LHX3: variants seen among roughly 807,000 people sequenced by gnomAD.
LHX3 encodes LIM/homeobox protein Lhx3.
LHX3 carries 21 observed loss-of-function variants against 32.4 expected under a neutral mutation model. The observed-to-expected ratio is 0.65, with a 90% confidence interval of 0.46 to 0.93. The LOEUF (loss-of-function observed/expected upper bound fraction) is 0.93. LHX3 is among the 40% of genes least tolerant of loss of function. The probability of loss-of-function intolerance (pLI) is 0.00; values close to 1 mark genes in which losing one functional copy is unlikely to be tolerated. For missense variants in LHX3, 626 were observed against 560.0 expected, an observed-to-expected ratio of 1.12 and a Z score of -1.19; for synonymous variants, 258 against 246.8, an observed-to-expected ratio of 1.05 and a Z score of -0.43.
intron 3 of LHX3, 59 bp downstream of exon 3, chr9:136,199,619 G>A: frequency 6.4e-6 from 10 of 1,569,526 alleles, no homozygotes; most frequent in Non-Finnish European, 8.8e-6. Flanking sequence ...CCCTGGGCGT[G>A]GCCTCAGCCC....
chr9:136,197,896 C>T (rs1250303665), intron 5 of LHX3, among the ~76,000 whole-genome samples, 153 bp from the exon 6 acceptor site: 5 of 152,138 alleles, frequency 3.3e-5, no homozygotes, highest in East Asian at 1.9e-4. Flanking sequence ...ACTGTTGGAG[C>T]ATGGCTGCCC....
chr9:136,198,831 G>T lies in LHX3; in HGVS notation c.607-11C>A. On this transcript the variant is annotated splice_polypyrimidine_tract_variant and intron_variant, in intron 4 of 5. Coordinates refer to ENST00000371748, the MANE Select transcript of LHX3 (RefSeq NM_178138.6). ...GTTCTGGAACCAAACCTGGGGGCGGGGCGGGGTGAGCGGCCGCCCGGCTCT... is the reference window on the plus strand; with the variant it reads ...GTTCTGGAACCAAACCTGGGGGCGGTGCGGGGTGAGCGGCCGCCCGGCTCT... 1 of 1,603,018 alleles carries T rather than the reference G, an allele frequency of 6.2e-7. No homozygotes were observed.
chr9:136,201,361 T>TA (rs1294411970), intron 1 of LHX3: 1 of 1,239,374 alleles, frequency 8.1e-7, no homozygotes, highest in African/African-American at 1.5e-5. Flanking sequence ...TCCACTGCCT[T>TA]TGTGTCAGGC....
chr9:136,197,548 G>A lies in LHX3; in HGVS notation c.971C>T (p.Pro324Leu), dbSNP rs1015344381. 3.1e-5 allele frequency: 48 copies of A among 1,528,744 alleles called. No individual in the cohort carries two copies. In the African/African-American group the frequency reaches 4.3e-4, roughly 14 times the overall value. 94.7% of individuals were successfully genotyped at this position (1,528,744 alleles called of 1,614,324 possible). The change falls in exon 6 of 6, where the codon CCG becomes CTG. Residue 324 changes from proline to leucine, a missense_variant. By Grantham distance (98) the Pro-to-Leu change is moderately conservative (BLOSUM62 -3). Transcript: ENST00000371748. ...GGGCTGGGGGCCAGGGAGGCTCTGC[G>A]GGGCGGCGGGGGATGGGGGGACACC... ...PYGVPPSPAA[P>L]QSLPGPQPLL...
intron 1 of LHX3, among the ~76,000 whole-genome samples, chr9:136,204,644 G>A (rs1831715201): frequency 6.6e-6 from 1 of 152,176 alleles, no homozygotes; most frequent in Non-Finnish European, 1.5e-5. Flanking sequence ...GTCACCGGGG[G>A]AACCTAGCAC....
Position 136,197,561 on chromosome 9 carries a change from A to C in LHX3, c.958T>G (p.Ser320Ala), listed in dbSNP as rs1455513426. ...RPGSPYGVPP[S>A]PAAPQSLPGP... is the part of the protein sequence containing the mutation. ...GGGAGGCTCTGCGGGGCGGCGGGGG[A>C]TGGGGGGACACCGTAGGGGCTGCCG... The change falls in exon 6 of 6, where the codon TCC (serine) becomes GCC (alanine). Residue 320 changes from serine (S) to alanine (A), a missense_variant. Ser to Ala is a moderately conservative substitution (Grantham distance 99). Coordinates refer to ENST00000371748, the MANE Select transcript of LHX3 (RefSeq NM_178138.6). 42 of 1,454,116 alleles carry C rather than the reference A, an allele frequency of 2.9e-5. No homozygotes were observed. Among genetic ancestry groups the C allele is most frequent in the Non-Finnish European group, 3.9e-5 (42 of 1,070,932 alleles). 90.1% of individuals were successfully genotyped at this position (1,454,116 alleles called of 1,614,324 possible). A position where few individuals can be genotyped will look rare whatever the true frequency, so the allele number is the denominator to read the frequency against.
chr9:136,198,534 A>G (rs1034164220), intron 5 of LHX3, 118 bp downstream of exon 5: 3 of 1,172,900 alleles, frequency 2.6e-6, no homozygotes, highest in African/African-American at 3.1e-5. Context: ...TTTTGAAAGT[A>G]GAACTTAAGG....
intron 1 of LHX3, among the ~76,000 whole-genome samples, chr9:136,202,739 G>A (rs982385605): frequency 6.6e-6 from 1 of 152,116 alleles, no homozygotes; most frequent in Non-Finnish European, 1.5e-5. Context: ...GAGCAGCGCA[G>A]TGCCACAACC....
At chr9:136,201,522 G>A (rs562922871) in intron 1 of LHX3, 241 of 1,149,712 alleles carry the variant, frequency 2.1e-4, no homozygotes, top group Middle Eastern at 3.6e-4. Context: ...GTCTGTGAGC[G>A]GGTTTTCCAG....
At chr9:136,200,487 G>T (rs1831612953) in intron 2 of LHX3, 95 bp downstream of exon 2, 1 of 1,366,810 alleles carries the variant, frequency 7.3e-7, no homozygotes, top group South Asian at 1.2e-5. Flanking sequence ...AGAGACGCAG[G>T]CTTCGAGGGC....
rs1279180724 is a variant in LHX3, at chr9:136,200,581, C to T, written c.251+1G>A. ...CACTGAGGTGAGGTTTCGGGGCTCA[C>T]TTGAAAAAGTCGTCCTTGCAGTAAA... On this transcript the variant is annotated splice_donor_variant, in intron 2 of 5. Coordinates refer to ENST00000371748, the MANE Select transcript of LHX3 (RefSeq NM_178138.6). LOFTEE classifies it high-confidence loss of function. 2 of 1,613,158 alleles carry T rather than the reference C, an allele frequency of 1.2e-6. No individual in the cohort carries two copies. Among genetic ancestry groups the T allele is most frequent in the Non-Finnish European group, 1.7e-6 (2 of 1,180,002 alleles).
At chr9:136,201,438 C>A (rs1392532861) in intron 1 of LHX3, 2 of 1,225,662 alleles carry the variant, frequency 1.6e-6, no homozygotes, top group Non-Finnish European at 2.0e-6. Context: ...GCCCCCCACA[C>A]CCCACTTCGG....
chr9:136,204,974 CCTCGCTCG>C lies in LHX3; in HGVS notation c.31_38del (p.Arg11AlafsTer22). The C allele has an allele frequency of 6.3e-7, 1 of 1,596,518 alleles. No homozygotes were observed. On this transcript the variant is annotated frameshift_variant, in exon 1 of 6. Transcript: ENST00000371748. LOFTEE classifies it high-confidence loss of function. ...AGGTGCAGACGGCGGCGGCCCCGGG[CCTCGCTCG>C]GTCGCGCTCGAGCCCCGTTTCCAGC...
At position 136,199,900 on chromosome 9, in the gene LHX3, G is replaced by C; in HGVS notation, c.252-20C>G. The C allele has an allele frequency of 6.4e-7, 1 of 1,566,156 alleles. No individual in the cohort carries two copies. Among genetic ancestry groups the C allele is most frequent in the Non-Finnish European group, 8.6e-7 (1 of 1,156,822 alleles). On this transcript the variant is annotated intron_variant, in intron 2 of 5. Transcript: ENST00000371748. ...AAGCGCCTGCGGGACGCACAGGGCCGGGCTCAGCGCGGAAGCGCGAGGCTC... is the reference window on the plus strand; with the variant it reads ...AAGCGCCTGCGGGACGCACAGGGCCCGGCTCAGCGCGGAAGCGCGAGGCTC...
In LHX3 at chr9:136,203,108, A is replaced by T. The variant is rs1449450484; in HGVS notation, c.79+1826T>A. 3.3e-5 allele frequency: 49 copies of T among 1,467,860 alleles called. No individual in the cohort carries two copies. The East Asian group carries it at 1.4e-3, about 41-fold the overall frequency. The allele number at this position is 1,467,860 out of a possible 1,614,324, so 90.9% of individuals were successfully genotyped here. On this transcript the variant is annotated intron_variant, in intron 1 of 5. Coordinates refer to ENST00000371748, the MANE Select transcript of LHX3 (RefSeq NM_178138.6). ...CCCGGGCCCAGCGACGCCACCCCGCAATAGCCCCGAACCGGCGTCCAAGCG... is the reference window on the plus strand; with the variant it reads ...CCCGGGCCCAGCGACGCCACCCCGCTATAGCCCCGAACCGGCGTCCAAGCG...
chr9:136,198,361 G>C (rs1452374104), intron 5 of LHX3, among the ~76,000 whole-genome samples: 1 of 152,184 alleles, frequency 6.6e-6, no homozygotes, highest in Non-Finnish European at 1.5e-5. Context: ...CCAGAGAGAC[G>C]GCCTGGACAC....
chr9:136,201,479 G>C, intron 1 of LHX3: 3 of 1,206,466 alleles, frequency 2.5e-6, no homozygotes, highest in Non-Finnish European at 3.1e-6. Context: ...AACCACACTG[G>C]GGAGGTCCAA....
rs1299221109 is a variant in LHX3, at chr9:136,205,128, T to G, written c.-116A>C. The G allele has an allele frequency of 3.5e-6, 3 of 849,772 alleles. No homozygotes were observed. Among genetic ancestry groups the G allele is most frequent in the South Asian group, 1.9e-5 (1 of 53,172 alleles). 52.6% of individuals were successfully genotyped at this position (849,772 alleles called of 1,614,324 possible). A position where few individuals can be genotyped will look rare whatever the true frequency, so the allele number is the denominator to read the frequency against. ...GCGGGGCAGGGAGCCCGGGAGCCACTGGGCCTGGCGCTGTCCGCGGTGCTG... is the reference window on the plus strand; with the variant it reads ...GCGGGGCAGGGAGCCCGGGAGCCACGGGGCCTGGCGCTGTCCGCGGTGCTG... On this transcript the variant is annotated 5_prime_UTR_variant, in exon 1 of 6. Transcript: ENST00000371748.
rs12379555 is a variant in LHX3 at position 136,197,904 on chromosome 9, C to T, written c.776-161G>A. Among the ~76,000 whole-genome samples the T allele has an allele frequency of 0.2, 30,253 of 152,040 alleles. 3,077 individuals carry two copies. The highest frequency in any genetic ancestry group is 0.31 in the Middle Eastern group (90 of 294). Reference sequence around the variant, plus strand: ...CCCTTCTACTGTTGGAGCATGGCTGCCCCTGCCCCTCCACTGCCCTCACCC... The same window carrying T: ...CCCTTCTACTGTTGGAGCATGGCTGTCCCTGCCCCTCCACTGCCCTCACCC... On this transcript the variant is annotated intron_variant, in intron 5 of 5. Transcript: ENST00000371748.
Sources: allele counts gnomAD v4.1 joint callset (sites outside exome capture counted in the v4.1 genomes callset), GRCh38; gene constraint gnomAD v4.1.1; transcripts MANE v1.5; gene names NCBI Gene and HGNC (gene_info 2026-07-23, HGNC 2026-07-21).